The following VMA21 variants were observed in gnomAD, a reference collection of about 807,000 sequenced individuals.
VMA21 encodes vacuolar ATPase assembly factor VMA21, also known as vacuolar ATPase assembly integral membrane protein VMA21.
For synonymous variants in VMA21, 47 were observed against 34.1 expected (o/e 1.38, Z -1.32); for missense variants, 61 against 80.6 (o/e 0.76, Z 0.93).
chrX:151,400,671 T>C (rs2011230543), intron 1 of VMA21, among the ~76,000 whole-genome samples: 1 of 112,334 alleles, frequency 8.9e-6, no homozygotes, highest in Non-Finnish European at 1.9e-5. Context: ...CACAATGTAG[T>C]AGGGTTTCTT....
chrX:151,403,141 TC>T (rs1239081531), intron 1 of VMA21, among the ~76,000 whole-genome samples: 3 of 111,792 alleles, frequency 2.7e-5, no homozygotes, highest in African/African-American at 9.8e-5. Context: ...AGCAAGCTGG[TC>T]GCTTCCCGTG....
At position 151,407,324 on chromosome X, in the gene VMA21, T is replaced by C. The variant is rs937558537; in HGVS notation, c.*2266T>C. On this transcript the variant is annotated 3_prime_UTR_variant, in exon 3 of 3. Coordinates refer to ENST00000330374, the MANE Select transcript of VMA21 (RefSeq NM_001017980.4). ...TTAGGCTTATAACAAAATAGGCTTG[T>C]TTTCAAAGCAGTTTTTTCCTAGAGT... 2.7e-5 allele frequency: 3 copies of C among 113,198 alleles called. No individual in the cohort carries two copies. Among genetic ancestry groups the C allele is most frequent in the African/African-American group, 6.4e-5 (2 of 31,103 alleles). 9.3% of individuals were successfully genotyped at this position (113,198 alleles called of 1,213,427 possible).
intron 2 of VMA21, 65 bp from the exon 3 acceptor site, chrX:151,404,851 T>G (rs2011271425): frequency 7.3e-6 from 4 of 544,520 alleles, no homozygotes; most frequent in Admixed American, 4.1e-5. Context: ...GGATGCTTTG[T>G]TTTTTTTTTT....
chrX:151,402,848 T>C (rs1414386588), intron 1 of VMA21, among the ~76,000 whole-genome samples: 5 of 106,746 alleles, frequency 4.7e-5, no homozygotes, highest in African/African-American at 1.7e-4. Flanking sequence ...CGGCTCCACC[T>C]GGTTAGTTTG....
At chrX:151,404,826 A>G (rs2011271093) in intron 2 of VMA21, 90 bp from the exon 3 acceptor site, 1 of 1,060,129 alleles carries the variant, frequency 9.4e-7, no homozygotes, top group Middle Eastern at 2.6e-4. Context: ...TTAAATAAAT[A>G]CATCATAAAA....
chrX:151,408,166 A>G lies in VMA21; in HGVS notation c.*3108A>G, dbSNP rs2011315255. 9.0e-6 allele frequency: 1 copy of G among 111,463 alleles called. No homozygotes were observed. Among genetic ancestry groups the G allele is most frequent in the Admixed American group, 9.5e-5 (1 of 10,500 alleles). The allele number at this position is 111,463 out of a possible 1,213,427, so 9.2% of individuals were successfully genotyped here. A position where few individuals can be genotyped will look rare whatever the true frequency, so the allele number is the denominator to read the frequency against. On this transcript the variant is annotated 3_prime_UTR_variant, in exon 3 of 3. Coordinates refer to ENST00000330374, the MANE Select transcript of VMA21 (RefSeq NM_001017980.4). ...CTCCGCCTCCCAAAGTGCTGGGATT[A>G]CAGGTATCAGCCACCGTGCCTGGCC... is the stretch of plus-strand genomic sequence containing the variant.
rs2011255163 is a variant in VMA21 at position 151,403,503 on chromosome X, C to G, written c.54-128C>G. On this transcript the variant is annotated intron_variant, in intron 1 of 2. Coordinates refer to ENST00000330374, the MANE Select transcript of VMA21 (RefSeq NM_001017980.4). ...CTGGTTCTCTAGGATCTTCGGATTACGAGTCCCTGCCTGTGATCTTCCTCC... is the reference window on the plus strand; with the variant it reads ...CTGGTTCTCTAGGATCTTCGGATTAGGAGTCCCTGCCTGTGATCTTCCTCC... 5 of 562,825 alleles carry G rather than the reference C, an allele frequency of 8.9e-6. No individual in the cohort carries two copies. The South Asian group carries it at 1.2e-4, about 13-fold the overall frequency. 46.4% of individuals were successfully genotyped at this position (562,825 alleles called of 1,213,427 possible).
At chrX:151,403,939 T>G (rs1329661196) in intron 2 of VMA21, among the ~76,000 whole-genome samples, 199 bp downstream of exon 2, 1 of 112,240 alleles carries the variant, frequency 8.9e-6, no homozygotes, top group Admixed American at 9.4e-5. Context: ...TTCTGTGAAA[T>G]AGCTTGCAAA....
chrX:151,405,123 A>T lies in VMA21; in HGVS notation c.*65A>T. ...AAAATGATAAATGCTGGAGGGGGCC[A>T]TCTGATTTGAATAAAGTTGAAAGAA... is the stretch of plus-strand genomic sequence containing the variant. On this transcript the variant is annotated 3_prime_UTR_variant, in exon 3 of 3. Coordinates refer to ENST00000330374, the MANE Select transcript of VMA21 (RefSeq NM_001017980.4). The T allele has an allele frequency of 8.7e-7, 1 of 1,151,529 alleles. No homozygotes were observed. Among genetic ancestry groups the T allele is most frequent in the Non-Finnish European group, 1.2e-6 (1 of 850,099 alleles). 94.9% of individuals were successfully genotyped at this position (1,151,529 alleles called of 1,213,427 possible). A position where few individuals can be genotyped will look rare whatever the true frequency, so the allele number is the denominator to read the frequency against.
intron 1 of VMA21, 143 bp from the exon 2 acceptor site, chrX:151,403,488 A>T (rs1325227085): frequency 3.7e-6 from 2 of 534,362 alleles, no homozygotes; most frequent in Non-Finnish European, 6.6e-6. Flanking sequence ...CTGGTTCTCT[A>T]GGATCTTCGG....
intron 1 of VMA21, among the ~76,000 whole-genome samples, chrX:151,401,727 C>T (rs963840346): frequency 8.1e-5 from 9 of 111,555 alleles, no homozygotes; most frequent in African/African-American, 2.6e-4. Context: ...AGTCACTCAT[C>T]GCCTTGGTTA....
At chrX:151,404,656 G>A (rs1300716487) in intron 2 of VMA21, among the ~76,000 whole-genome samples, 3 of 109,882 alleles carry the variant, frequency 2.7e-5, no homozygotes, top group African/African-American at 6.6e-5. Flanking sequence ...TCCTGACCTC[G>A]TGATCTGCCC....
upstream of VMA21, chrX:151,397,042 C>T: frequency 2.0e-6 from 1 of 497,156 alleles, no homozygotes; most frequent in East Asian, 3.7e-5. Flanking sequence ...GGGCGCACGC[C>T]GCGGAGCCAC....
upstream of VMA21, chrX:151,396,944 G>T (rs760509724): frequency 6.1e-5 from 32 of 522,178 alleles, no homozygotes; most frequent in African/African-American, 6.3e-4. Context: ...CGCCCAGGAG[G>T]ACCATGTTGC....
chrX:151,396,962 G>C, upstream of VMA21: 1 of 524,164 alleles, frequency 1.9e-6, no homozygotes, highest in Non-Finnish European at 3.5e-6. Flanking sequence ...TGCGCGGCAA[G>C]TCCCGGCTCA....
chrX:151,398,598 G>GT (rs956643997), intron 1 of VMA21, among the ~76,000 whole-genome samples: 6 of 109,640 alleles, frequency 5.5e-5, no homozygotes, highest in Admixed American at 2.9e-4. Context: ...CTCAATGTGG[G>GT]TTTTTTTTTA....
At position 151,401,126 on chromosome X, in the gene VMA21, T is replaced by C. The variant is rs1012885078; in HGVS notation, c.54-2505T>C. ...ATTACTGAGGCCAATGTTAAGGACC[T>C]TTCCCTCTGTGTTCTTTTATGTCTT... On this transcript the variant is annotated intron_variant, in intron 1 of 2. Transcript: ENST00000330374. 2.7e-5 allele frequency among the ~76,000 whole-genome samples: 3 copies of C among 112,346 alleles called. No individual in the cohort carries two copies. The South Asian group carries it at 1.1e-3, about 42-fold the overall frequency.
rs1323191177 is a variant in VMA21, at chrX:151,405,824, GA to G, written c.*767del. The G allele has an allele frequency of 8.9e-6, 1 of 111,792 alleles. No individual in the cohort carries two copies. Among genetic ancestry groups the G allele is most frequent in the Non-Finnish European group, 1.9e-5 (1 of 53,197 alleles). 9.2% of individuals were successfully genotyped at this position (111,792 alleles called of 1,213,427 possible). A position where few individuals can be genotyped will look rare whatever the true frequency, so the allele number is the denominator to read the frequency against. ...AAGCTAGGCTTCAATTAAAAGGTTC[GA>G]GGAAGCTCCATTTAAAATTGTTTTT... On this transcript the variant is annotated 3_prime_UTR_variant, in exon 3 of 3. Transcript: ENST00000330374.
chrX:151,407,837 T>C lies in VMA21; in HGVS notation c.*2779T>C. 1 of 112,319 alleles carries C rather than the reference T, an allele frequency of 8.9e-6. No individual in the cohort carries two copies. Among genetic ancestry groups the C allele is most frequent in the Non-Finnish European group, 1.9e-5 (1 of 53,252 alleles). 9.3% of individuals were successfully genotyped at this position (112,319 alleles called of 1,213,427 possible). A position where few individuals can be genotyped will look rare whatever the true frequency, so the allele number is the denominator to read the frequency against. ...ACCTGCCATTAAAAATCCCCATGTT[T>C]CATGGAAATCTAACAGAAATACATT... On this transcript the variant is annotated 3_prime_UTR_variant, in exon 3 of 3. Coordinates refer to ENST00000330374, the MANE Select transcript of VMA21 (RefSeq NM_001017980.4).
Sources: allele counts gnomAD v4.1 joint callset (sites outside exome capture counted in the v4.1 genomes callset), GRCh38; gene constraint gnomAD v4.1.1; transcripts MANE v1.5; gene names NCBI Gene and HGNC (gene_info 2026-07-23, HGNC 2026-07-21).